The following RHO variants were observed in gnomAD, a reference collection of about 807,000 sequenced individuals.
RHO encodes rhodopsin.
A neutral mutation model predicts 31.2 loss-of-function variants in RHO; 21 were observed. That is an observed-to-expected ratio of 0.67 (90% CI 0.48 to 0.97). The LOEUF (loss-of-function observed/expected upper bound fraction) is 0.97. RHO is among the 50% of genes least tolerant of loss of function. The probability of loss-of-function intolerance (pLI) is 0.00; values close to 1 mark genes in which losing one functional copy is unlikely to be tolerated. For missense variants in RHO, 414 were observed against 479.5 expected (o/e 0.86, Z 1.28); for synonymous variants, 211 against 196.6 (o/e 1.07, Z -0.61).
chr3:129,529,159 C>A, intron 1 of RHO, 65 bp downstream of exon 1: 1 of 1,549,764 alleles, frequency 6.5e-7, no homozygotes. Context: ...GGGAGAGTCC[C>A]GGGCTTGGCG....
In RHO at chr3:129,533,944, T is replaced by G; in HGVS notation, c.*226T>G. 1 of 511,026 alleles carries G rather than the reference T, an allele frequency of 2.0e-6. No individual in the cohort carries two copies. Among genetic ancestry groups the G allele is most frequent in the Admixed American group, 3.3e-5 (1 of 30,312 alleles). The allele number at this position is 511,026 out of a possible 1,614,324, so 31.7% of individuals were successfully genotyped here. A position where few individuals can be genotyped will look rare whatever the true frequency, so the allele number is the denominator to read the frequency against. On this transcript the variant is annotated 3_prime_UTR_variant, in exon 5 of 5. Coordinates refer to ENST00000296271, the MANE Select transcript of RHO (RefSeq NM_000539.3). ...AGACCTACTGATCTGGAGTCCCACG[T>G]TCCCCAAGGCCAGCGGGATGTGTGC...
At chr3:129,530,567 C>CACACACACACACACACACAA (rs1257173881) in intron 1 of RHO, among the ~76,000 whole-genome samples, 4 of 150,962 alleles carry the variant, frequency 2.6e-5, no homozygotes, top group African/African-American at 9.7e-5. Context: ...CACACACACA[C>CACACACACACACACACACAA]AAAACTCCCT....
rs757740913 is a variant in RHO at position 129,528,790 on chromosome 3, G to A, written c.57G>A (p.Val19=). 1.2e-5 allele frequency: 19 copies of A among 1,614,190 alleles called. No individual in the cohort carries two copies. The South Asian group carries it at 2.1e-4, about 18-fold the overall frequency. Residue 19 remains valine (V), a synonymous_variant, in exon 1 of 5, where the codon GTG becomes GTA. Transcript: ENST00000296271. The part of the protein sequence containing the change: ...FYVPFSNATG[V]VRSPFEYPQY... ...TGCCCTTCTCCAATGCGACGGGTGT[G>A]GTACGCAGCCCCTTCGAGTACCCAC...
Position 129,532,561 on chromosome 3 carries a change from C to G in RHO, c.725C>G (p.Thr242Ser), listed in dbSNP as rs767979610. 1.2e-6 allele frequency: 2 copies of G among 1,614,036 alleles called. No homozygotes were observed. Among genetic ancestry groups the G allele is most frequent in the Non-Finnish European group, 1.7e-6 (2 of 1,180,032 alleles). The change falls in exon 4 of 5, where the codon ACC becomes AGC. Residue 242 changes from threonine to serine, a missense_variant. Thr to Ser is a moderately conservative substitution (Grantham distance 58, BLOSUM62 1). Coordinates refer to ENST00000296271, the MANE Select transcript of RHO (RefSeq NM_000539.3). This position sits in a 1 kb window ranked among gnomAD's most constrained non-coding sequence, Gnocchi z 5.5. ...GCTGCCCAGCAGCAGGAGTCAGCCACCACACAGAAGGCAGAGAAGGAGGTC... is the reference window on the plus strand; with the variant it reads ...GCTGCCCAGCAGCAGGAGTCAGCCAGCACACAGAAGGCAGAGAAGGAGGTC... The part of the protein sequence containing the change: ...EAAAQQQESA[T>S]TQKAEKEVTR...
rs1283922692 is a variant in RHO at position 129,535,310 on chromosome 3, T to C, written c.*1592T>C. 1 of 151,888 alleles carries C rather than the reference T, an allele frequency of 6.6e-6. No individual in the cohort carries two copies. Among genetic ancestry groups the C allele is most frequent in the Non-Finnish European group, 1.5e-5 (1 of 68,042 alleles). 9.4% of individuals were successfully genotyped at this position (151,888 alleles called of 1,614,324 possible). ...GCACAGAGTCCCCTGGGGCTAGAGG[T>C]GGAGGAGGCAGTCCTGGGAATGGGA... On this transcript the variant is annotated 3_prime_UTR_variant, in exon 5 of 5. Transcript: ENST00000296271.
chr3:129,532,395 G>C lies in RHO; in HGVS notation c.675G>C (p.Gln225His), dbSNP rs1323701516. ...TTATCATCTTTTTCTGCTATGGGCA[G>C]CTCGTCTTCACCGTCAAGGAGGTAC... is the stretch of plus-strand genomic sequence containing the variant. The part of the protein sequence containing the change: ...PMIIIFFCYG[Q>H]LVFTVKEAAA... The change falls in exon 3 of 5, where the codon CAG (glutamine) becomes CAC (histidine). Residue 225 changes from glutamine to histidine, a missense_variant. Transcript: ENST00000296271. This position sits in a 1 kb window ranked among gnomAD's most constrained non-coding sequence, Gnocchi z 5.5. 3.7e-6 allele frequency: 6 copies of C among 1,613,886 alleles called. No homozygotes were observed. Among genetic ancestry groups the C allele is most frequent in the Non-Finnish European group, 5.1e-6 (6 of 1,180,032 alleles).
At position 129,532,239 on chromosome 3, in the gene RHO, G is replaced by A. The variant is rs745920387; in HGVS notation, c.531-12G>A. On this transcript the variant is annotated splice_polypyrimidine_tract_variant and intron_variant, in intron 2 of 4. Coordinates refer to ENST00000296271, the MANE Select transcript of RHO (RefSeq NM_000539.3). This position sits in a 1 kb window ranked among gnomAD's most constrained non-coding sequence, Gnocchi z 5.5. ...CCTCACAGGCAGGGTCTCCCTACCTGCCTGTCCTCAGGTACATCCCCGAGG... is the reference window on the plus strand; with the variant it reads ...CCTCACAGGCAGGGTCTCCCTACCTACCTGTCCTCAGGTACATCCCCGAGG... The A allele has an allele frequency of 1.2e-6, 2 of 1,613,670 alleles. No individual in the cohort carries two copies. The highest frequency in any genetic ancestry group is 1.3e-5 in the African/African-American group (1 of 74,898).
chr3:129,528,786 G>C lies in RHO; in HGVS notation c.53G>C (p.Gly18Ala), dbSNP rs200946638. ...TACGTGCCCTTCTCCAATGCGACGG[G>C]TGTGGTACGCAGCCCCTTCGAGTAC... The part of the protein sequence containing the change: ...NFYVPFSNAT[G>A]VVRSPFEYPQ... Residue 18 changes from glycine to alanine, a missense_variant, in exon 1 of 5, where the codon GGT becomes GCT. Coordinates refer to ENST00000296271, the MANE Select transcript of RHO (RefSeq NM_000539.3). 2.5e-6 allele frequency: 4 copies of C among 1,614,206 alleles called. No homozygotes were observed. The highest frequency in any genetic ancestry group is 2.2e-5 in the South Asian group (2 of 91,082).
Position 129,532,317 on chromosome 3 carries a change from C to G in RHO, c.597C>G (p.Asn199Lys), listed in dbSNP as rs368157839. ...ACTACACGCTCAAGCCGGAGGTCAACAACGAGTCTTTTGTCATCTACATGT... is the reference window on the plus strand; with the variant it reads ...ACTACACGCTCAAGCCGGAGGTCAAGAACGAGTCTTTTGTCATCTACATGT... ...IDYYTLKPEV[N>K]NESFVIYMFV... The change falls in exon 3 of 5, where the codon AAC (asparagine) becomes AAG (lysine). Residue 199 changes from asparagine to lysine, a missense_variant. Transcript: ENST00000296271. The surrounding 1 kb of genome is among the most constrained non-coding windows in gnomAD (Gnocchi z 5.5). 6.2e-7 allele frequency: 1 copy of G among 1,613,966 alleles called. No homozygotes were observed. The highest frequency in any genetic ancestry group is 8.5e-7 in the Non-Finnish European group (1 of 1,180,010).
Position 129,532,908 on chromosome 3 carries a change from G to C in RHO, c.936+136G>C. 1 of 1,173,038 alleles carries C rather than the reference G, an allele frequency of 8.5e-7. No individual in the cohort carries two copies. Among genetic ancestry groups the C allele is most frequent in the Non-Finnish European group, 1.2e-6 (1 of 806,406 alleles). The allele number at this position is 1,173,038 out of a possible 1,614,324, so 72.7% of individuals were successfully genotyped here. A position where few individuals can be genotyped will look rare whatever the true frequency, so the allele number is the denominator to read the frequency against. On this transcript the variant is annotated intron_variant, in intron 4 of 4. Coordinates refer to ENST00000296271, the MANE Select transcript of RHO (RefSeq NM_000539.3). This position sits in a 1 kb window ranked among gnomAD's most constrained non-coding sequence, Gnocchi z 5.5. ...CAGTCTTGGGTCAGCAGTCCCAATG[G>C]GGAGTGTGTGAGAAATGCAGATTCC...
In RHO at chr3:129,532,599, A is replaced by G. The variant is rs2084789201; in HGVS notation, c.763A>G (p.Ile255Val). 1 of 1,614,188 alleles carries G rather than the reference A, an allele frequency of 6.2e-7. No individual in the cohort carries two copies. The highest frequency in any genetic ancestry group is 8.5e-7 in the Non-Finnish European group (1 of 1,180,036). Residue 255 changes from isoleucine (I) to valine (V), a missense_variant, in exon 4 of 5, where the codon ATC (isoleucine) becomes GTC (valine). Transcript: ENST00000296271. The surrounding 1 kb of genome is among the most constrained non-coding windows in gnomAD (Gnocchi z 5.5). ...AGAGAAGGAGGTCACCCGCATGGTC[A>G]TCATCATGGTCATCGCTTTCCTGAT... ...KAEKEVTRMV[I>V]IMVIAFLICW...
At chr3:129,530,567 C>CACAA (rs1257173881) in intron 1 of RHO, among the ~76,000 whole-genome samples, 4 of 150,966 alleles carry the variant, frequency 2.6e-5, no homozygotes, top group Non-Finnish European at 5.9e-5. Context: ...CACACACACA[C>CACAA]AAAACTCCCT....
rs2084801731 is a variant in RHO at position 129,533,719 on chromosome 3, G to T, written c.*1G>T. 6.2e-7 allele frequency: 1 copy of T among 1,606,370 alleles called. No individual in the cohort carries two copies. The highest frequency in any genetic ancestry group is 8.5e-7 in the Non-Finnish European group (1 of 1,173,230). ...GACGAGCCAGGTGGCCCCGGCCTAA[G>T]ACCTGCCTAGGACTCTGTGGCCGAC... On this transcript the variant is annotated 3_prime_UTR_variant, in exon 5 of 5. Transcript: ENST00000296271.
chr3:129,530,802 C>T (rs756285704), intron 1 of RHO, 74 bp from the exon 2 acceptor site: 9 of 1,592,858 alleles, frequency 5.7e-6, no homozygotes, highest in South Asian at 1.1e-5. Flanking sequence ...TAGCTACCCT[C>T]TCCCTGTCTA....
At chr3:129,530,007 C>A (rs1310803766) in intron 1 of RHO, among the ~76,000 whole-genome samples, 2 of 152,196 alleles carry the variant, frequency 1.3e-5, no homozygotes, top group Non-Finnish European at 2.9e-5. Flanking sequence ...CCGCCAGCCA[C>A]AAGCGTCTCT....
chr3:129,532,431 G>T lies in RHO; in HGVS notation c.696+15G>T. 2.5e-6 allele frequency: 4 copies of T among 1,613,900 alleles called. No individual in the cohort carries two copies. Among genetic ancestry groups the T allele is most frequent in the South Asian group, 1.1e-5 (1 of 91,088 alleles). On this transcript the variant is annotated intron_variant, in intron 3 of 4. Transcript: ENST00000296271. The surrounding 1 kb of genome is among the most constrained non-coding windows in gnomAD (Gnocchi z 5.5). The stretch of plus-strand genomic sequence containing the variant: ...CCGTCAAGGAGGTACGGGCCGGGGG[G>T]TGGGCGGCCTCACGGCTCTGAGGGT...
Position 129,532,916 on chromosome 3 carries a change from G to C in RHO, c.936+144G>C. On this transcript the variant is annotated intron_variant, in intron 4 of 4. Coordinates refer to ENST00000296271, the MANE Select transcript of RHO (RefSeq NM_000539.3). This position sits in a 1 kb window ranked among gnomAD's most constrained non-coding sequence, Gnocchi z 5.5. ...GGTCAGCAGTCCCAATGGGGAGTGTGTGAGAAATGCAGATTCCTGGCCCCA... is the reference window on the plus strand; with the variant it reads ...GGTCAGCAGTCCCAATGGGGAGTGTCTGAGAAATGCAGATTCCTGGCCCCA... 3 of 1,123,368 alleles carry C rather than the reference G, an allele frequency of 2.7e-6. No individual in the cohort carries two copies. The highest frequency in any genetic ancestry group is 2.6e-5 in the South Asian group (2 of 77,412). The allele number at this position is 1,123,368 out of a possible 1,614,324, so 69.6% of individuals were successfully genotyped here. A position where few individuals can be genotyped will look rare whatever the true frequency, so the allele number is the denominator to read the frequency against.
rs758484916 is a variant in RHO at position 129,529,045 on chromosome 3, C to T, written c.312C>T (p.Val104=). The T allele has an allele frequency of 6.2e-7, 1 of 1,613,492 alleles. No homozygotes were observed. Among genetic ancestry groups the T allele is most frequent in the Non-Finnish European group, 8.5e-7 (1 of 1,179,426 alleles). Residue 104 remains valine (V), a synonymous_variant, in exon 1 of 5, where the codon GTC becomes GTT. Coordinates refer to ENST00000296271, the MANE Select transcript of RHO (RefSeq NM_000539.3). ...ACACCTCTCTGCATGGATACTTCGT[C>T]TTCGGGCCCACAGGATGCAATTTGG... is the stretch of plus-strand genomic sequence containing the variant. ...TLYTSLHGYF[V]FGPTGCNLEG...
intron 1 of RHO, 112 bp downstream of exon 1, chr3:129,529,206 G>T: frequency 7.5e-7 from 1 of 1,338,698 alleles, no homozygotes; most frequent in Non-Finnish European, 1.0e-6. Flanking sequence ...CTCCTGTCCT[G>T]TCAATGTTAT....
Sources: gnomAD v4.1 joint callset for allele counts (sites outside exome capture counted in the v4.1 genomes callset) on GRCh38, gnomAD v4.1.1 for gene constraint, Gnocchi (gnomAD v3.1) non-coding constraint, MANE v1.5 for transcripts, NCBI Gene and HGNC (gene_info 2026-07-23, HGNC 2026-07-21) for gene names.